NELL1: variants seen among roughly 807,000 people sequenced by gnomAD.
NELL1 encodes the protein protein kinase C-binding protein NELL1.
In NELL1, 76 loss-of-function variants were observed where a neutral mutation model predicts 107.4. That is an observed-to-expected ratio of 0.71 (90% CI 0.59 to 0.86). The LOEUF (loss-of-function observed/expected upper bound fraction) is 0.86. Among genes scored for constraint, NELL1 ranks in the 40% least tolerant of loss-of-function variants. The probability of loss-of-function intolerance (pLI) is 0.00; values close to 1 mark genes in which losing one functional copy is unlikely to be tolerated. For synonymous variants in NELL1, 353 were observed against 341.2 expected (o/e 1.03, Z -0.38); for missense variants, 1,024 against 1,005.5 (o/e 1.02, Z -0.25).
intron 12 of NELL1, among the ~76,000 whole-genome samples, chr11:21,006,644 T>C (rs146915202): frequency 6.6e-6 from 1 of 152,178 alleles, no homozygotes; most frequent in Non-Finnish European, 1.5e-5. Context: ...CGCTTATAAG[T>C]TTCAGTGACA....
intron 12 of NELL1, among the ~76,000 whole-genome samples, chr11:21,014,239 G>A (rs1852515667): frequency 1.3e-5 from 2 of 152,028 alleles, no homozygotes; most frequent in South Asian, 4.1e-4. Context: ...ACTATGACTC[G>A]ATGCTTCCAC....
At chr11:21,475,846 G>C (rs1440404511) in intron 15 of NELL1, among the ~76,000 whole-genome samples, 1 of 152,140 alleles carries the variant, frequency 6.6e-6, no homozygotes, top group East Asian at 1.9e-4. Context: ...ATGATTTTGG[G>C]TAGAATCCAG....
At chr11:20,926,422 T>A (rs1186343893) in intron 7 of NELL1, among the ~76,000 whole-genome samples, 1 of 152,074 alleles carries the variant, frequency 6.6e-6, no homozygotes, top group Non-Finnish European at 1.5e-5. Context: ...CAGGATGGAT[T>A]ACAATGAAAA....
Position 21,570,861 on chromosome 11 carries a change from A to G in NELL1, c.2078A>G (p.Gln693Arg), listed in dbSNP as rs1857085043. The stretch of plus-strand genomic sequence containing the variant: ...GAATGTGACACCAGAGTCACAAGTC[A>G]ATGTTTAGACCAAAATGGTCACAAG... Reference protein sequence around the residue: ...CPECDTRVTSQCLDQNGHKLY... With the variant: ...CPECDTRVTSRCLDQNGHKLY... Residue 693 changes from glutamine (Q) to arginine (R), a missense_variant, in exon 18 of 20, where the codon CAA (glutamine) becomes CGA (arginine). By Grantham distance (43) the Gln-to-Arg change is conservative (BLOSUM62 1). Coordinates refer to ENST00000357134, the MANE Select transcript of NELL1 (RefSeq NM_006157.5). The G allele has an allele frequency of 1.2e-6, 2 of 1,612,026 alleles. No homozygotes were observed. Among genetic ancestry groups the G allele is most frequent in the African/African-American group, 2.7e-5 (2 of 74,860 alleles).
At chr11:21,065,150 A>G (rs1329342656) in intron 12 of NELL1, among the ~76,000 whole-genome samples, 1 of 152,108 alleles carries the variant, frequency 6.6e-6, no homozygotes. Context: ...TAAAAACCTT[A>G]TAGGCTCATA....
At chr11:21,459,354 T>C (rs1206405365) in intron 15 of NELL1, among the ~76,000 whole-genome samples, 1 of 8,246 alleles carries the variant, frequency 1.2e-4, no homozygotes, top group African/African-American at 5.3e-4. Flanking sequence ...GTGTGTTCAC[T>C]AGCAAAAAAA....
At chr11:21,013,859 T>C (rs1470177749) in intron 12 of NELL1, among the ~76,000 whole-genome samples, 2 of 152,144 alleles carry the variant, frequency 1.3e-5, no homozygotes, top group Non-Finnish European at 2.9e-5. Flanking sequence ...TCCTTAGGCT[T>C]TCCTTGCCTG....
intron 3 of NELL1, among the ~76,000 whole-genome samples, chr11:20,825,060 A>T (rs1857849496): frequency 6.6e-6 from 1 of 151,372 alleles, no homozygotes; most frequent in Non-Finnish European, 1.5e-5. Flanking sequence ...CAGAGGGTGC[A>T]AGCCCCAAGT....
intron 17 of NELL1, among the ~76,000 whole-genome samples, chr11:21,564,339 A>T (rs1031021230): frequency 1.3e-5 from 2 of 151,942 alleles, no homozygotes; most frequent in Non-Finnish European, 2.9e-5. Flanking sequence ...GATGCTAGAG[A>T]CTTAGTGTCT....
intron 15 of NELL1, among the ~76,000 whole-genome samples, chr11:21,428,598 T>C (rs1208148323): frequency 2.0e-5 from 3 of 152,194 alleles, no homozygotes; most frequent in African/African-American, 7.2e-5. Flanking sequence ...AAGAAAAACC[T>C]CAACAAGGTT....
chr11:21,367,876 C>A (rs924510063), intron 14 of NELL1, among the ~76,000 whole-genome samples: 1 of 152,086 alleles, frequency 6.6e-6, no homozygotes, highest in Admixed American at 6.6e-5. Context: ...AGCGGTGACC[C>A]AGCTCCTTGT....
intron 3 of NELL1, among the ~76,000 whole-genome samples, chr11:20,819,555 T>C (rs1209835092): frequency 6.6e-6 from 1 of 152,204 alleles, no homozygotes; most frequent in Non-Finnish European, 1.5e-5. Flanking sequence ...GCAATGTCTG[T>C]TTCTAAATTG....
rs578064751 is a variant in NELL1, at chr11:21,162,443, C to T, written c.1426+48729C>T. 9.2e-5 allele frequency among the ~76,000 whole-genome samples: 14 copies of T among 152,214 alleles called. No individual in the cohort carries two copies. The South Asian group carries it at 1.7e-3, about 18-fold the overall frequency. On this transcript the variant is annotated intron_variant, in intron 13 of 19. Coordinates refer to ENST00000357134, the MANE Select transcript of NELL1 (RefSeq NM_006157.5). ...CTACTGTATTAGTTAACTAGATTAA[C>T]GTATTTGAAGATACATCCCTGCAAA...
chr11:21,418,919 T>C (rs971797013), intron 15 of NELL1, among the ~76,000 whole-genome samples: 1 of 152,248 alleles, frequency 6.6e-6, no homozygotes, highest in South Asian at 2.1e-4. Flanking sequence ...ATGAGAATTA[T>C]CATTGTAAAA....
intron 2 of NELL1, among the ~76,000 whole-genome samples, chr11:20,696,585 T>C (rs1854623495): frequency 6.6e-6 from 1 of 152,162 alleles, no homozygotes; most frequent in African/African-American, 2.4e-5. Context: ...CCTTTGGTAA[T>C]GTTTTTCATT....
intron 1 of NELL1, among the ~76,000 whole-genome samples, chr11:20,674,899 G>A (rs920006186): frequency 1.3e-5 from 2 of 152,110 alleles, no homozygotes; most frequent in Non-Finnish European, 2.9e-5. Context: ...TCCCTGCATC[G>A]GTCAATATTG....
In NELL1 at chr11:21,184,627, T is replaced by C. The variant is rs1033373886; in HGVS notation, c.1427-44705T>C. ...TCGAAAACAGACTCATTTTTCAAGA[T>C]GTAAGTCAATGTCTCTGAAGAAAAG... On this transcript the variant is annotated intron_variant, in intron 13 of 19. Transcript: ENST00000357134. Among the ~76,000 whole-genome samples, 44 of 151,868 alleles carry C rather than the reference T, an allele frequency of 2.9e-4. 1 individual carries two copies. The highest frequency in any genetic ancestry group is 8.5e-4 in the African/African-American group (35 of 41,142).
At chr11:21,349,601 G>A (rs1329391309) in intron 14 of NELL1, among the ~76,000 whole-genome samples, 1 of 151,856 alleles carries the variant, frequency 6.6e-6, no homozygotes, top group Non-Finnish European at 1.5e-5. Flanking sequence ...TAGTAAAATA[G>A]TGTCCTTTTT....
chr11:21,559,916 A>G (rs1051658880), intron 16 of NELL1, among the ~76,000 whole-genome samples: 3 of 152,150 alleles, frequency 2.0e-5, no homozygotes, highest in African/African-American at 7.2e-5. Flanking sequence ...TTTGGGTCTC[A>G]GATCAGCCAC....
Sources: allele counts gnomAD v4.1 joint callset (sites outside exome capture counted in the v4.1 genomes callset), GRCh38; gene constraint gnomAD v4.1.1; transcripts MANE v1.5; gene names NCBI Gene and HGNC (gene_info 2026-07-23, HGNC 2026-07-21).